The following TAFA5 variants were observed in gnomAD, a reference collection of about 807,000 sequenced individuals.
TAFA5 encodes TAFA chemokine like family member 5.
Under a neutral mutation model 15.3 loss-of-function variants are expected in TAFA5, and 6 were observed. The ratio of observed to expected loss-of-function variants is 0.39; its 90% CI spans 0.21 to 0.77. The LOEUF is 0.77. TAFA5 is among the 30% of genes least tolerant of loss of function. The probability of loss-of-function intolerance (pLI) is 0.41; values close to 1 mark genes in which losing one functional copy is unlikely to be tolerated. For synonymous variants in TAFA5, 103 were observed against 80.7 expected (o/e 1.28, Z -1.48); for missense variants, 161 against 193.1 (o/e 0.83, Z 0.98).
intron 1 of TAFA5, chr22:48,543,279 C>T (rs918368449): frequency 5.9e-5 from 9 of 152,136 alleles, no homozygotes; most frequent in African/African-American, 1.7e-4. Context: ...GGGCCCAAGT[C>T]GTTTTTTGCA....
chr22:48,652,451 CTGTT>C (rs887387014), intron 2 of TAFA5, among the ~76,000 whole-genome samples: 3 of 152,228 alleles, frequency 2.0e-5, no homozygotes, highest in African/African-American at 7.2e-5. Flanking sequence ...ATGGGGACAT[CTGTT>C]TGACCACAGA....
chr22:48,607,286 A>C (rs1925228014), intron 1 of TAFA5, among the ~76,000 whole-genome samples: 1 of 141,252 alleles, frequency 7.1e-6, no homozygotes, highest in Admixed American at 6.9e-5. Context: ...AGCCTGGAGC[A>C]GATCTGTCCT....
At position 48,623,716 on chromosome 22, in the gene TAFA5, G is replaced by A. The variant is rs557278386; in HGVS notation, c.113-22881G>A. ...TCAGAGCCTGGCACGGCGGCCCGAGGCCTCTGCTGGGCTCCTCACGGTGCA... is the reference window on the plus strand; with the variant it reads ...TCAGAGCCTGGCACGGCGGCCCGAGACCTCTGCTGGGCTCCTCACGGTGCA... On this transcript the variant is annotated intron_variant, in intron 1 of 3. Coordinates refer to ENST00000402357, the MANE Select transcript of TAFA5 (RefSeq NM_001082967.3). Among the ~76,000 whole-genome samples, 3 of 152,362 alleles carry A rather than the reference G, an allele frequency of 2.0e-5. No individual in the cohort carries two copies. In the South Asian group the frequency reaches 6.2e-4, roughly 32 times the overall value.
At chr22:48,535,966 C>T (rs1371564815) in intron 1 of TAFA5, among the ~76,000 whole-genome samples, 3 of 152,364 alleles carry the variant, frequency 2.0e-5, no homozygotes, top group South Asian at 2.1e-4. Context: ...TGCACAGGCA[C>T]GCGTATGGGC....
At position 48,646,705 on chromosome 22, in the gene TAFA5, A is replaced by G; in HGVS notation, c.221A>G (p.Gln74Arg). Residue 74 changes from glutamine (Q) to arginine (R), a missense_variant, in exon 2 of 4, where the codon CAG becomes CGG. Gln to Arg is a conservative substitution (Grantham distance 43). Transcript: ENST00000402357. Reference sequence around the variant, plus strand: ...GCCCGCTGTGCGTGTAGAAAGGGGCAGATCGCCGGCACCACGAGAGCCCGG... The same window carrying G: ...GCCCGCTGTGCGTGTAGAAAGGGGCGGATCGCCGGCACCACGAGAGCCCGG... ...QTARCACRKG[Q>R]IAGTTRARPA... 1.2e-6 allele frequency: 2 copies of G among 1,604,040 alleles called. No homozygotes were observed.
chr22:48,585,072 A>G (rs867454942), intron 1 of TAFA5, among the ~76,000 whole-genome samples: 5 of 145,914 alleles, frequency 3.4e-5, no homozygotes, highest in South Asian at 4.4e-4. Context: ...TCACACACAC[A>G]GCATACACTA....
chr22:48,703,916 C>G lies in TAFA5; in HGVS notation c.263-3801C>G, dbSNP rs116715282. ...CTGGCCCGGGCAGATGCAGAAACAT[C>G]TCCCTGTTGCAGTTGAAGGGCTCAC... On this transcript the variant is annotated intron_variant, in intron 2 of 3. Coordinates refer to ENST00000402357, the MANE Select transcript of TAFA5 (RefSeq NM_001082967.3). Among the ~76,000 whole-genome samples the G allele has an allele frequency of 8.1e-3, 1,227 of 152,354 alleles. 20 individuals carry two copies. Among genetic ancestry groups the G allele is most frequent in the African/African-American group, 0.027 (1,114 of 41,592 alleles).
chr22:48,535,022 C>G (rs755489763), intron 1 of TAFA5, among the ~76,000 whole-genome samples: 16 of 152,114 alleles, frequency 1.1e-4, no homozygotes, highest in Non-Finnish European at 1.9e-4. Context: ...CCCCAGCCAG[C>G]GAACAGGGAA....
intron 2 of TAFA5, among the ~76,000 whole-genome samples, chr22:48,657,224 A>G (rs957119935): frequency 6.6e-5 from 10 of 152,240 alleles, no homozygotes; most frequent in African/African-American, 2.4e-4. Flanking sequence ...CATATGAAAT[A>G]AAAAGGTTAA....
chr22:48,597,016 T>A (rs28550450), intron 1 of TAFA5, among the ~76,000 whole-genome samples: 1 of 152,092 alleles, frequency 6.6e-6, no homozygotes, highest in Non-Finnish European at 1.5e-5. Flanking sequence ...TGCGATGCCC[T>A]AGCTGGTCTC....
Position 48,728,085 on chromosome 22 carries a change from G to T in TAFA5, c.390+20241G>T, listed in dbSNP as rs117480079. ...TTGAATACTACAATTAACTAAAATT[G>T]AATTTGAGCCACATATCTAAATTAT... On this transcript the variant is annotated intron_variant, in intron 3 of 3. Coordinates refer to ENST00000402357, the MANE Select transcript of TAFA5 (RefSeq NM_001082967.3). Among the ~76,000 whole-genome samples, 953 of 152,240 alleles carry T rather than the reference G, an allele frequency of 6.3e-3. 4 individuals are homozygous for T. Among genetic ancestry groups the T allele is most frequent in the Non-Finnish European group, 8.9e-3 (605 of 68,022 alleles).
intron 1 of TAFA5, among the ~76,000 whole-genome samples, chr22:48,576,043 C>CG (rs1415801088): frequency 2.8e-5 from 3 of 105,478 alleles, no homozygotes; most frequent in East Asian, 2.6e-4. Context: ...CGCCGGACCC[C>CG]CCCCCCCCCC....
At chr22:48,576,039 ACCCCCCCC>A (rs535068094) in intron 1 of TAFA5, among the ~76,000 whole-genome samples, 2 of 31,436 alleles carry the variant, frequency 6.4e-5, no homozygotes, top group African/African-American at 4.7e-4. Flanking sequence ...GCCGCGCCGG[ACCCCCCCC>A]CCCCCCGCGC....
chr22:48,686,248 G>A (rs1430190409), intron 2 of TAFA5, among the ~76,000 whole-genome samples: 9 of 152,336 alleles, frequency 5.9e-5, no homozygotes, highest in African/African-American at 2.2e-4. Context: ...GCCTTTGTCT[G>A]CTATGGCTGC....
At chr22:48,603,733 G>C (rs948598933) in intron 1 of TAFA5, among the ~76,000 whole-genome samples, 1 of 152,188 alleles carries the variant, frequency 6.6e-6, no homozygotes, top group Non-Finnish European at 1.5e-5. Context: ...AGGAGGTTTT[G>C]CTTCCTAAAA....
At position 48,530,799 on chromosome 22, in the gene TAFA5, G is replaced by A. The variant is rs1010056168; in HGVS notation, c.112+41095G>A. On this transcript the variant is annotated intron_variant, in intron 1 of 3. Coordinates refer to ENST00000402357, the MANE Select transcript of TAFA5 (RefSeq NM_001082967.3). This position sits in a 1 kb window ranked among gnomAD's most constrained non-coding sequence, Gnocchi z 6.0. ...TGGCAGAGGGAGTTCCCAGGAGTGA[G>A]GTTTGGGGCAGGAGAGGCGACCCCA... 3.3e-5 allele frequency among the ~76,000 whole-genome samples: 5 copies of A among 152,198 alleles called. No homozygotes were observed. The highest frequency in any genetic ancestry group is 6.5e-5 in the Admixed American group (1 of 15,286).
At chr22:48,647,985 C>T (rs939340120) in intron 2 of TAFA5, among the ~76,000 whole-genome samples, 3 of 152,198 alleles carry the variant, frequency 2.0e-5, no homozygotes, top group African/African-American at 7.2e-5. Context: ...GGCAGAGGCC[C>T]TGCAAAGCCA....
At chr22:48,720,127 C>T (rs530144456) in intron 3 of TAFA5, among the ~76,000 whole-genome samples, 8 of 152,244 alleles carry the variant, frequency 5.3e-5, no homozygotes, top group East Asian at 1.9e-4. Flanking sequence ...GAAGGGTGGA[C>T]GGGGTCTGTC....
At chr22:48,514,214 G>T (rs1239017061) in intron 1 of TAFA5, among the ~76,000 whole-genome samples, 2 of 152,180 alleles carry the variant, frequency 1.3e-5, no homozygotes, top group East Asian at 3.9e-4. Context: ...AGAAATTCTA[G>T]ATGAGAAAAT....
Sources: allele counts gnomAD v4.1 joint callset (sites outside exome capture counted in the v4.1 genomes callset), GRCh38; gene constraint gnomAD v4.1.1; non-coding constraint Gnocchi (gnomAD v3.1); transcripts MANE v1.5; gene names NCBI Gene and HGNC (gene_info 2026-07-23, HGNC 2026-07-21).